Variants in NKAIN2 observed in about 807,000 individuals in gnomAD.
The protein encoded by NKAIN2 is sodium/potassium transporting ATPase interacting 2.
Under a neutral mutation model 32.6 loss-of-function variants are expected in NKAIN2, and 14 were observed. That is an observed-to-expected ratio of 0.43 (90% CI 0.28 to 0.67). The LOEUF (loss-of-function observed/expected upper bound fraction) is 0.67, where lower values mean the gene tolerates loss of function less well. Among genes scored for constraint, NKAIN2 ranks in the 30% least tolerant of loss-of-function variants. The pLI, the probability that NKAIN2 is intolerant of heterozygous loss-of-function variation, is 0.17. For missense variants in NKAIN2, 198 were observed against 258.3 expected, an observed-to-expected ratio of 0.77 and a Z score of 1.60; for synonymous variants, 80 against 87.2, an observed-to-expected ratio of 0.92 and a Z score of 0.46.
At chr6:124,685,253 T>A (rs1389531409) in intron 4 of NKAIN2, among the ~76,000 whole-genome samples, 4 of 152,128 alleles carry the variant, frequency 2.6e-5, no homozygotes, top group African/African-American at 7.2e-5. Flanking sequence ...ATTAAAAAAA[T>A]TTTCTACCTA....
At chr6:124,649,603 A>G (rs1784294841) in intron 3 of NKAIN2, among the ~76,000 whole-genome samples, 1 of 152,188 alleles carries the variant, frequency 6.6e-6, no homozygotes, top group African/African-American at 2.4e-5. Flanking sequence ...CTAACTTCGT[A>G]ACACAGTCTA....
In NKAIN2 at chr6:124,429,986, C is replaced by G. The variant is rs550237297; in HGVS notation, c.273+74639C>G. On this transcript the variant is annotated intron_variant, in intron 3 of 6. Transcript: ENST00000368417. The stretch of plus-strand genomic sequence containing the variant: ...TTAAATTTAGGTAGATGAAATGAGG[C>G]AATAAAAAAGTCAAGGGGAAAAATA... Among the ~76,000 whole-genome samples the G allele has an allele frequency of 4.0e-5, 6 of 148,156 alleles. No homozygotes were observed. In the South Asian group the frequency reaches 1.3e-3, roughly 32 times the overall value.
At chr6:124,205,867 T>C (rs2114641784) in intron 1 of NKAIN2, among the ~76,000 whole-genome samples, 1 of 152,028 alleles carries the variant, frequency 6.6e-6, no homozygotes, top group East Asian at 1.9e-4. Context: ...ATGTCTTTAG[T>C]TTCCCATATT....
chr6:124,457,087 C>A lies in NKAIN2; in HGVS notation c.273+101740C>A, dbSNP rs1206607963. Among the ~76,000 whole-genome samples the A allele has an allele frequency of 5.9e-5, 9 of 151,874 alleles. No homozygotes were observed. In the Admixed American group the frequency reaches 5.9e-4, roughly 10 times the overall value. Reference sequence around the variant, plus strand: ...AAGTTGCAACTCCCTGAAGCACCTGCTCTGTGTGTACTGCCTTCACAGGAG... The same window carrying A: ...AAGTTGCAACTCCCTGAAGCACCTGATCTGTGTGTACTGCCTTCACAGGAG... On this transcript the variant is annotated intron_variant, in intron 3 of 6. Transcript: ENST00000368417.
chr6:123,948,947 G>A (rs112815260), intron 1 of NKAIN2, among the ~76,000 whole-genome samples: 23 of 151,928 alleles, frequency 1.5e-4, no homozygotes, highest in African/African-American at 5.5e-4. Flanking sequence ...GATATAGCAA[G>A]AGAAAGGAGT....
At chr6:124,402,748 T>C (rs1461502515) in intron 3 of NKAIN2, among the ~76,000 whole-genome samples, 1 of 152,050 alleles carries the variant, frequency 6.6e-6, no homozygotes, top group East Asian at 1.9e-4. Context: ...GGGAGCTAAA[T>C]ATTGAGTACC....
intron 1 of NKAIN2, among the ~76,000 whole-genome samples, chr6:124,140,226 C>T (rs1189285939): frequency 6.6e-6 from 1 of 152,108 alleles, no homozygotes; most frequent in Non-Finnish European, 1.5e-5. Context: ...GCTATGGTTT[C>T]ACATATAGTA....
intron 1 of NKAIN2, among the ~76,000 whole-genome samples, chr6:123,969,175 T>C (rs181728193): frequency 1.3e-5 from 2 of 152,354 alleles, no homozygotes; most frequent in East Asian, 3.9e-4. Context: ...AGGTTTTTGC[T>C]CACTTTCCAG....
intron 3 of NKAIN2, among the ~76,000 whole-genome samples, chr6:124,413,143 C>G (rs1462924900): frequency 6.6e-6 from 1 of 152,172 alleles, no homozygotes; most frequent in Non-Finnish European, 1.5e-5. Flanking sequence ...ATGCCTCACC[C>G]TGCTTCGGCT....
chr6:124,201,617 T>C (rs568605542), intron 1 of NKAIN2, among the ~76,000 whole-genome samples: 35 of 152,178 alleles, frequency 2.3e-4, no homozygotes, highest in Non-Finnish European at 4.4e-4. Context: ...TTGCATGTTA[T>C]GTCAACGTAA....
intron 1 of NKAIN2, among the ~76,000 whole-genome samples, chr6:123,863,223 T>C (rs774165607): frequency 1.6e-4 from 24 of 152,186 alleles, no homozygotes; most frequent in Non-Finnish European, 2.9e-4. Flanking sequence ...TTAAATGATA[T>C]AGATTTTAGT....
intron 1 of NKAIN2, among the ~76,000 whole-genome samples, chr6:123,878,432 C>T (rs140564398): frequency 8.0e-4 from 122 of 152,096 alleles, no homozygotes; most frequent in Middle Eastern, 3.4e-3. Context: ...TTGTCAAGAC[C>T]TGTCATTGTC....
chr6:123,892,326 G>C (rs575509819), intron 1 of NKAIN2, among the ~76,000 whole-genome samples: 49 of 152,242 alleles, frequency 3.2e-4, no homozygotes, highest in African/African-American at 1.0e-3. Flanking sequence ...AATTTATAAA[G>C]AAAAGAGGTT....
intron 1 of NKAIN2, among the ~76,000 whole-genome samples, chr6:123,898,532 G>C (rs561862555): frequency 6.7e-6 from 1 of 149,378 alleles, no homozygotes; most frequent in African/African-American, 2.5e-5. Context: ...TCCAGATATC[G>C]ATTCCTGGCT....
At chr6:124,283,334 A>C in intron 2 of NKAIN2, 192 bp downstream of exon 2, 1 of 479,652 alleles carries the variant, frequency 2.1e-6, no homozygotes, top group East Asian at 3.3e-5. Context: ...AAGGCACTTG[A>C]TAGTGAGTGT....
intron 4 of NKAIN2, among the ~76,000 whole-genome samples, chr6:124,729,264 AT>A (rs1477012860): frequency 6.7e-6 from 1 of 150,298 alleles, no homozygotes; most frequent in Non-Finnish European, 1.5e-5. Context: ...AAAAAAGAGA[AT>A]TTTAGACCAA....
intron 5 of NKAIN2, among the ~76,000 whole-genome samples, chr6:124,808,124 A>G (rs933892434): frequency 1.3e-5 from 2 of 152,042 alleles, no homozygotes; most frequent in Non-Finnish European, 2.9e-5. Context: ...ATCCTCCCTA[A>G]CTCACTTTAT....
intron 4 of NKAIN2, among the ~76,000 whole-genome samples, chr6:124,785,685 G>GC (rs997257978): frequency 1.3e-5 from 2 of 152,218 alleles, no homozygotes; most frequent in African/African-American, 4.8e-5. Context: ...GGAAGGTCCT[G>GC]CCCCCCACTA....
At chr6:124,345,103 G>C (rs981428215) in intron 2 of NKAIN2, among the ~76,000 whole-genome samples, 4 of 152,106 alleles carry the variant, frequency 2.6e-5, no homozygotes, top group African/African-American at 9.7e-5. Context: ...TGTGGGTTTT[G>C]TCTTTGGTTC....
Sources: allele counts gnomAD v4.1 joint callset (sites outside exome capture counted in the v4.1 genomes callset), GRCh38; gene constraint gnomAD v4.1.1; transcripts MANE v1.5; gene names NCBI Gene and HGNC (gene_info 2026-07-23, HGNC 2026-07-21).